The following UGT8 variants were observed in gnomAD, a reference collection of about 807,000 sequenced individuals.
UGT8 encodes UDP glycosyltransferase 8.
A neutral mutation model predicts 40.5 loss-of-function variants in UGT8; 12 were observed. The ratio of observed to expected loss-of-function variants is 0.30; its 90% CI spans 0.19 to 0.48. The LOEUF (loss-of-function observed/expected upper bound fraction) is 0.48. UGT8 is among the 20% of genes least tolerant of loss of function. UGT8 has a pLI of 0.99. For synonymous variants in UGT8, 224 were observed against 240.4 expected (o/e 0.93, Z 0.63); for missense variants, 513 against 648.7 (o/e 0.79, Z 2.27).
intron 2 of UGT8, among the ~76,000 whole-genome samples, chr4:114,659,135 C>A (rs747051545): frequency 6.6e-6 from 1 of 152,066 alleles, no homozygotes; most frequent in Non-Finnish European, 1.5e-5. Context: ...AGTGTCTATC[C>A]GGATCACGAT....
At chr4:114,648,508 T>C (rs943394021) in intron 2 of UGT8, among the ~76,000 whole-genome samples, 10 of 152,108 alleles carry the variant, frequency 6.6e-5, no homozygotes, top group Non-Finnish European at 1.0e-4. Flanking sequence ...AGACTTCAGG[T>C]ATATATAATT....
In UGT8 at chr4:114,669,381, CATATATAT is replaced by C. The variant is rs5861189; in HGVS notation, c.1262+1096_1262+1103del. Among the ~76,000 whole-genome samples the C allele has an allele frequency of 7.9e-3, 1,183 of 150,436 alleles. 18 individuals are homozygous for C. The highest frequency in any genetic ancestry group is 0.026 in the African/African-American group (1,070 of 40,624). ...TCAAAACATGATGTTATTTCATATA[CATATATAT>C]ATATATATATATATATATGCACACA... On this transcript the variant is annotated intron_variant, in intron 5 of 5. Transcript: ENST00000310836.
At chr4:114,673,155 G>A (rs184635673) in intron 5 of UGT8, among the ~76,000 whole-genome samples, 4 of 77,292 alleles carry the variant, frequency 5.2e-5, no homozygotes, top group Admixed American at 1.7e-4. Context: ...ACTTAGAGGT[G>A]TCTGGAGTGA....
chr4:114,614,542 A>T (rs1251005362), intron 1 of UGT8, among the ~76,000 whole-genome samples: 2 of 152,194 alleles, frequency 1.3e-5, no homozygotes, highest in Non-Finnish European at 2.9e-5. Flanking sequence ...TGTGTTAGAA[A>T]TTTTGACCAA....
At chr4:114,622,477 G>C (rs1224315131) in intron 1 of UGT8, 9 of 172,698 alleles carry the variant, frequency 5.2e-5, no homozygotes, top group Non-Finnish European at 1.1e-4. Flanking sequence ...CCCAGTAATG[G>C]GATGGCTGGG....
intron 2 of UGT8, among the ~76,000 whole-genome samples, chr4:114,649,721 C>T (rs1165793392): frequency 6.6e-6 from 1 of 152,040 alleles, no homozygotes; most frequent in African/African-American, 2.4e-5. Context: ...AGCTGGGCTG[C>T]AGTATGCCCG....
At chr4:114,661,976 A>G (rs1734569601) in intron 2 of UGT8, among the ~76,000 whole-genome samples, 1 of 152,202 alleles carries the variant, frequency 6.6e-6, no homozygotes, top group Non-Finnish European at 1.5e-5. Context: ...AAAATTTTAA[A>G]TCATTCTGCT....
chr4:114,650,515 A>G (rs1733837443), intron 2 of UGT8, among the ~76,000 whole-genome samples: 1 of 152,322 alleles, frequency 6.6e-6, no homozygotes, highest in Non-Finnish European at 1.5e-5. Context: ...TACTGCAACT[A>G]ACAAATATAT....
intron 1 of UGT8, chr4:114,619,338 G>T (rs1410070308): frequency 6.6e-6 from 1 of 151,870 alleles, no homozygotes; most frequent in Non-Finnish European, 1.5e-5. Context: ...TAATGTAAAA[G>T]GTATATTGTA....
chr4:114,645,391 A>G (rs1051638690), intron 2 of UGT8, among the ~76,000 whole-genome samples: 1 of 152,210 alleles, frequency 6.6e-6, no homozygotes, highest in African/African-American at 2.4e-5. Context: ...GTAAGAGAAG[A>G]TGAGTAATAT....
chr4:114,672,813 C>A (rs1735384001), intron 5 of UGT8, among the ~76,000 whole-genome samples: 1 of 152,116 alleles, frequency 6.6e-6, no homozygotes, highest in Non-Finnish European at 1.5e-5. Context: ...ACAACAAAAC[C>A]CCCCAAAAGT....
intron 1 of UGT8, among the ~76,000 whole-genome samples, chr4:114,618,905 A>G (rs1350043776): frequency 6.6e-6 from 1 of 152,046 alleles, no homozygotes; most frequent in Non-Finnish European, 1.5e-5. Context: ...TTCCTTCGTC[A>G]TCTATTAGGC....
rs1158957241 is a variant in UGT8, at chr4:114,676,633, GTGTGTGTA to G, written c.*353_*360del. 9.5e-6 allele frequency: 2 copies of G among 211,032 alleles called. No homozygotes were observed. The highest frequency in any genetic ancestry group is 2.4e-5 in the African/African-American group (1 of 41,274). 13.1% of individuals were successfully genotyped at this position (211,032 alleles called of 1,614,324 possible). ...GGTTTCATTTTTCTTAATAATGTGT[GTGTGTGTA>G]TGTGTGTGTGTGTGTGTGTGTGTTT... On this transcript the variant is annotated 3_prime_UTR_variant, in exon 6 of 6. Transcript: ENST00000310836.
At chr4:114,655,712 C>T (rs867400736) in intron 2 of UGT8, among the ~76,000 whole-genome samples, 7 of 151,938 alleles carry the variant, frequency 4.6e-5, no homozygotes, top group African/African-American at 1.7e-4. Context: ...GGGCATTTTT[C>T]TGCATAATCA....
chr4:114,623,770 A>C, intron 2 of UGT8, 68 bp downstream of exon 2: 3 of 1,493,294 alleles, frequency 2.0e-6, no homozygotes, highest in Non-Finnish European at 2.7e-6. Context: ...TTTGGAAGAG[A>C]TATGATTTGT....
At chr4:114,629,890 C>T (rs765790101) in intron 2 of UGT8, among the ~76,000 whole-genome samples, 2 of 152,068 alleles carry the variant, frequency 1.3e-5, no homozygotes, top group Non-Finnish European at 2.9e-5. Context: ...CTTTAATAAG[C>T]CCTAGAGAAT....
At chr4:114,655,313 A>T (rs570321273) in intron 2 of UGT8, among the ~76,000 whole-genome samples, 1 of 152,202 alleles carries the variant, frequency 6.6e-6, no homozygotes, top group South Asian at 2.1e-4. Context: ...ATGCCATTGC[A>T]GACCATGGAT....
intron 2 of UGT8, among the ~76,000 whole-genome samples, chr4:114,640,946 A>T (rs564833909): frequency 6.6e-6 from 1 of 152,138 alleles, no homozygotes. Flanking sequence ...AATATCACCA[A>T]AAGGACAGGC....
In UGT8 at chr4:114,663,915, T is replaced by C. The variant is rs990249995; in HGVS notation, c.823-80T>C. On this transcript the variant is annotated intron_variant, in intron 2 of 5. Transcript: ENST00000310836. ...TTAAGAAAATTACTTAAAAGGTTTT[T>C]TTTTAACTGGGCTGTTAATAACACC... 12 of 1,543,576 alleles carry C rather than the reference T, an allele frequency of 7.8e-6. No individual in the cohort carries two copies. The African/African-American group carries it at 1.5e-4, about 20-fold the overall frequency.
Sources: gnomAD v4.1 joint callset for allele counts (sites outside exome capture counted in the v4.1 genomes callset) on GRCh38, gnomAD v4.1.1 for gene constraint, MANE v1.5 for transcripts, NCBI Gene and HGNC (gene_info 2026-07-23, HGNC 2026-07-21) for gene names.